NWD1: variants seen among roughly 807,000 people sequenced by gnomAD.
NWD1 encodes the protein NACHT domain- and WD repeat-containing protein 1.
A neutral mutation model predicts 135.1 loss-of-function variants in NWD1; 129 were observed. The observed-to-expected ratio is 0.96, with a 90% CI of 0.83 to 1.11. The LOEUF (loss-of-function observed/expected upper bound fraction) is 1.11. Among genes scored for constraint, NWD1 ranks in the 50% least tolerant of loss-of-function variants. NWD1 has a pLI of 0.00. For missense variants in NWD1, 1,740 were observed against 1,851.3 expected (o/e 0.94, Z 1.10); for synonymous variants, 773 against 786.0 (o/e 0.98, Z 0.28).
chr19:16,738,118 A>T, intron 4 of NWD1: 1 of 367,126 alleles, frequency 2.7e-6, no homozygotes, highest in Non-Finnish European at 5.5e-6. Flanking sequence ...CCACTTGTTT[A>T]CACATTGTTT....
rs1379583746 is a variant in NWD1 at position 16,808,218 on chromosome 19, C to T, written c.4287+82C>T. 10 of 1,305,322 alleles carry T rather than the reference C, an allele frequency of 7.7e-6. No homozygotes were observed. In the Admixed American group the frequency reaches 1.3e-4, roughly 17 times the overall value. 80.9% of individuals were successfully genotyped at this position (1,305,322 alleles called of 1,614,324 possible). On this transcript the variant is annotated intron_variant, in intron 18 of 18. Transcript: ENST00000524140. Reference sequence around the variant, plus strand: ...ATAGCCATCATTTACTAAGCACACACCATGGGCCATCGACCAGGATGGGAC... The same window carrying T: ...ATAGCCATCATTTACTAAGCACACATCATGGGCCATCGACCAGGATGGGAC...
intron 17 of NWD1, among the ~76,000 whole-genome samples, chr19:16,804,910 G>A (rs943070803): frequency 4.6e-5 from 7 of 151,766 alleles, no homozygotes; most frequent in Admixed American, 6.6e-5. Context: ...GTGCAGCCTC[G>A]AACTCCTGGG....
Position 16,762,135 on chromosome 19 carries a change from A to G in NWD1, c.2130A>G (p.Arg710=). The G allele has an allele frequency of 6.2e-7, 1 of 1,612,068 alleles. No individual in the cohort carries two copies. Among genetic ancestry groups the G allele is most frequent in the Non-Finnish European group, 8.5e-7 (1 of 1,178,540 alleles). Residue 710 remains arginine, a synonymous_variant, in exon 8 of 19, where the codon CGA becomes CGG. Transcript: ENST00000524140. ...PLVGKPLNLD[R]KVAPQPLWFS... Reference sequence around the variant, plus strand: ...TGGGGAAACCACTGAACTTGGACCGAAAGGTGAGGTACCTGGGACCCCCAT... The same window carrying G: ...TGGGGAAACCACTGAACTTGGACCGGAAGGTGAGGTACCTGGGACCCCCAT...
intron 10 of NWD1, among the ~76,000 whole-genome samples, chr19:16,770,822 T>C (rs1164249946): frequency 6.6e-6 from 1 of 152,170 alleles, no homozygotes; most frequent in East Asian, 1.9e-4. Flanking sequence ...AACCCTATTT[T>C]TGTCATCTGC....
chr19:16,749,859 T>C lies in NWD1; in HGVS notation c.1217T>C (p.Val406Ala), dbSNP rs1378809269. ...AYGLPLPPAQ[V>A]LDAHTRVVQF... is the part of the protein sequence containing the mutation. Reference sequence around the variant, plus strand: ...GGGCTGCCCTTGCCCCCTGCCCAGGTTCTGGACGCCCACACCAGGGTGGTC... The same window carrying C: ...GGGCTGCCCTTGCCCCCTGCCCAGGCTCTGGACGCCCACACCAGGGTGGTC... The change falls in exon 6 of 19, where the codon GTT (valine) becomes GCT (alanine). Residue 406 changes from valine (V) to alanine (A), a missense_variant. By Grantham distance (64) the Val-to-Ala change is moderately conservative. Coordinates refer to ENST00000524140, the MANE Select transcript of NWD1 (RefSeq NM_001007525.5). 6 of 1,613,006 alleles carry C rather than the reference T, an allele frequency of 3.7e-6. No individual in the cohort carries two copies. In the Admixed American group the frequency reaches 6.7e-5, roughly 18 times the overall value.
intron 10 of NWD1, among the ~76,000 whole-genome samples, chr19:16,768,987 T>C (rs1315098784): frequency 6.6e-6 from 1 of 152,180 alleles, no homozygotes; most frequent in African/African-American, 2.4e-5. Flanking sequence ...CTGCCTACTT[T>C]GGATTCATTC....
chr19:16,800,227 G>T (rs1228820151), intron 17 of NWD1, 65 bp downstream of exon 17: 13 of 1,451,396 alleles, frequency 9.0e-6, no homozygotes, highest in Non-Finnish European at 1.1e-5. Flanking sequence ...CTTAGTTTAG[G>T]CTACTGTAAC....
chr19:16,814,248 A>G (rs950867070), intron 18 of NWD1, among the ~76,000 whole-genome samples: 24 of 152,248 alleles, frequency 1.6e-4, no homozygotes, highest in Middle Eastern at 3.4e-3. Context: ...CAGAGCAAAA[A>G]CTGAGGCTCT....
intron 1 of NWD1, among the ~76,000 whole-genome samples, chr19:16,723,653 G>A (rs1207036882): frequency 2.0e-5 from 3 of 151,880 alleles, no homozygotes; most frequent in Non-Finnish European, 4.4e-5. Flanking sequence ...CATAACCTAT[G>A]AGTACCTATT....
intron 13 of NWD1, among the ~76,000 whole-genome samples, chr19:16,791,148 T>C (rs530602872): frequency 1.3e-5 from 2 of 151,888 alleles, no homozygotes; most frequent in Non-Finnish European, 2.9e-5. Context: ...GCAGGAGGAT[T>C]GCTTGAGCCC....
chr19:16,814,989 C>G, intron 18 of NWD1, 39 bp from the exon 19 acceptor site: 1 of 1,596,724 alleles, frequency 6.3e-7, no homozygotes, highest in Non-Finnish European at 8.6e-7. Context: ...CCTCTACACC[C>G]CATTTTTCTC....
At chr19:16,798,915 C>T (rs1970506773) in intron 16 of NWD1, among the ~76,000 whole-genome samples, 2 of 150,432 alleles carry the variant, frequency 1.3e-5, no homozygotes, top group African/African-American at 4.9e-5. Context: ...CGTGAGCCAC[C>T]ATGTCTGGCT....
At chr19:16,767,401 G>T (rs967579561) in intron 10 of NWD1, among the ~76,000 whole-genome samples, 8 of 152,196 alleles carry the variant, frequency 5.3e-5, no homozygotes, top group African/African-American at 1.9e-4. Flanking sequence ...GATCACTTGA[G>T]GTCAGGAGTT....
At chr19:16,797,195 T>C (rs529732982) in intron 15 of NWD1, among the ~76,000 whole-genome samples, 3 of 140,180 alleles carry the variant, frequency 2.1e-5, no homozygotes, top group South Asian at 2.7e-4. Context: ...AAAAAAAAAA[T>C]TGATGAGTGA....
chr19:16,726,520 A>C (rs1055285579), intron 2 of NWD1, among the ~76,000 whole-genome samples: 1 of 150,810 alleles, frequency 6.6e-6, no homozygotes, highest in African/African-American at 2.4e-5. Context: ...GTTCACTGCA[A>C]CCTCCACCTC....
chr19:16,800,805 C>T (rs899134506), intron 17 of NWD1, among the ~76,000 whole-genome samples: 9 of 152,124 alleles, frequency 5.9e-5, no homozygotes, highest in African/African-American at 2.2e-4. Flanking sequence ...CACTCTGCTA[C>T]AGTTCGGAGG....
At chr19:16,809,047 C>A (rs147535093) in intron 18 of NWD1, among the ~76,000 whole-genome samples, 165 of 152,092 alleles carry the variant, frequency 1.1e-3, no homozygotes, top group Non-Finnish European at 1.5e-3. Flanking sequence ...TAGAGCAAGG[C>A]CTGTCTCAAG....
intron 18 of NWD1, among the ~76,000 whole-genome samples, chr19:16,811,930 C>T (rs1036512938): frequency 2.6e-5 from 4 of 152,236 alleles, no homozygotes; most frequent in South Asian, 2.1e-4. Context: ...GCAGAGGAAT[C>T]GCTTAAACCC....
intron 16 of NWD1, among the ~76,000 whole-genome samples, chr19:16,799,515 A>T (rs530738173): frequency 8.1e-5 from 12 of 147,354 alleles, no homozygotes; most frequent in South Asian, 6.4e-4. Context: ...TTTTATTTTT[A>T]TTTTTTTTGA....
Sources: allele counts gnomAD v4.1 joint callset (sites outside exome capture counted in the v4.1 genomes callset), GRCh38; gene constraint gnomAD v4.1.1; transcripts MANE v1.5; gene names NCBI Gene and HGNC (gene_info 2026-07-23, HGNC 2026-07-21).